Variants in CSMD1 observed in about 807,000 individuals in gnomAD.
CSMD1 encodes the protein CUB and Sushi multiple domains 1.
A neutral mutation model predicts 417.5 loss-of-function variants in CSMD1; 213 were observed. That is an observed-to-expected ratio of 0.51 (90% CI 0.46 to 0.57). The LOEUF is 0.57. Among genes scored for constraint, CSMD1 ranks in the 20% least tolerant of loss-of-function variants. The probability of loss-of-function intolerance (pLI) is 0.00; values close to 1 mark genes in which losing one functional copy is unlikely to be tolerated. For missense variants in CSMD1, 6,923 were observed against 4,529.7 expected (o/e 1.53, Z -15.17); for synonymous variants, 2,862 against 1,736.8 (o/e 1.65, Z -16.11).
At chr8:3,190,532 G>C (rs1055108319) in intron 33 of CSMD1, among the ~76,000 whole-genome samples, 28 of 152,164 alleles carry the variant, frequency 1.8e-4, no homozygotes, top group African/African-American at 3.4e-4. Flanking sequence ...AGGCCTCTGA[G>C]TCTAATGAGA....
At chr8:4,859,803 C>A (rs1210125394) in intron 1 of CSMD1, among the ~76,000 whole-genome samples, 2 of 152,108 alleles carry the variant, frequency 1.3e-5, no homozygotes, top group Non-Finnish European at 2.9e-5. Context: ...CACTTTGACA[C>A]TGTTGGTGGG....
intron 5 of CSMD1, among the ~76,000 whole-genome samples, chr8:3,936,655 T>C (rs956284087): frequency 1.2e-4 from 18 of 152,206 alleles, no homozygotes; most frequent in African/African-American, 4.1e-4. Context: ...TTCTAAATAT[T>C]GCTGCTCTTT....
At chr8:2,964,276 C>A (rs564501001) in intron 59 of CSMD1, among the ~76,000 whole-genome samples, 1 of 152,206 alleles carries the variant, frequency 6.6e-6, no homozygotes, top group Admixed American at 6.5e-5. Context: ...CATGTGCACA[C>A]CCAAAAGTTG....
At chr8:4,239,329 C>T (rs1002073358) in intron 3 of CSMD1, among the ~76,000 whole-genome samples, 1 of 152,156 alleles carries the variant, frequency 6.6e-6, no homozygotes, top group African/African-American at 2.4e-5. Context: ...GGAGAAGATT[C>T]CTCTGCCCTT....
chr8:3,892,476 T>G (rs1434453548), intron 5 of CSMD1, among the ~76,000 whole-genome samples: 1 of 152,088 alleles, frequency 6.6e-6, no homozygotes, highest in Non-Finnish European at 1.5e-5. Context: ...CCCAACTAAG[T>G]TCTGCAAGAG....
chr8:3,137,874 G>C (rs1818199323), intron 41 of CSMD1, among the ~76,000 whole-genome samples: 1 of 152,132 alleles, frequency 6.6e-6, no homozygotes, highest in African/African-American at 2.4e-5. Context: ...ATAAATTCCT[G>C]ATTTTAAAAA....
rs7819396 is a variant in CSMD1 at position 4,454,298 on chromosome 8, A to G, written c.303-34233T>C. ...GACTCCTGACTTCGGTGGACACCAG[A>G]CGCAGCCTCTTCTTCCGCATCCTTG... On this transcript the variant is annotated intron_variant, in intron 2 of 69. Transcript: ENST00000635120. Among the ~76,000 whole-genome samples the G allele has an allele frequency of 7.2e-3, 1,090 of 152,248 alleles. 13 individuals carry two copies. Among genetic ancestry groups the G allele is most frequent in the African/African-American group, 0.025 (1,041 of 41,550 alleles).
intron 5 of CSMD1, among the ~76,000 whole-genome samples, chr8:3,857,942 G>T (rs1804430062): frequency 2.0e-5 from 3 of 152,206 alleles, no homozygotes; most frequent in Admixed American, 1.3e-4. Flanking sequence ...ATCAAATAAA[G>T]CCTACACTGC....
At chr8:4,900,014 T>A (rs61403263) in intron 1 of CSMD1, among the ~76,000 whole-genome samples, 12,260 of 152,220 alleles carry the variant, frequency 0.081, 619 homozygotes, top group African/African-American at 0.14. Flanking sequence ...CTTTAATCTA[T>A]TCTCTTCTCT....
intron 5 of CSMD1, among the ~76,000 whole-genome samples, chr8:3,765,753 G>A (rs750131248): frequency 1.3e-4 from 20 of 152,168 alleles, no homozygotes; most frequent in Admixed American, 6.5e-5. Context: ...GTGAGATCTG[G>A]CATCCTCCTT....
chr8:3,091,770 A>G lies in CSMD1; in HGVS notation c.7139-108T>C, dbSNP rs1041657387. ...TGGAGTCTACGTGTGCAATACACAG[A>G]TATAATTATTACAAAAGTGGACAAC... On this transcript the variant is annotated intron_variant, in intron 47 of 69. Coordinates refer to ENST00000635120, the MANE Select transcript of CSMD1 (RefSeq NM_033225.6). The G allele has an allele frequency of 9.2e-6, 8 of 866,506 alleles. No homozygotes were observed. The African/African-American group carries it at 1.2e-4, about 13-fold the overall frequency. 53.7% of individuals were successfully genotyped at this position (866,506 alleles called of 1,614,324 possible).
chr8:4,363,828 T>C (rs1234717635), intron 3 of CSMD1, among the ~76,000 whole-genome samples: 2 of 152,224 alleles, frequency 1.3e-5, no homozygotes, highest in Admixed American at 6.5e-5. Context: ...TGTTCTCACT[T>C]ATTTGTGGGA....
intron 2 of CSMD1, among the ~76,000 whole-genome samples, chr8:4,456,937 G>A (rs977659425): frequency 6.7e-6 from 1 of 148,898 alleles, no homozygotes; most frequent in African/African-American, 2.5e-5. Flanking sequence ...TCCTGAGCAT[G>A]GCAATTCCTC....
chr8:4,442,851 G>C (rs752467693), intron 2 of CSMD1, among the ~76,000 whole-genome samples: 7 of 152,054 alleles, frequency 4.6e-5, no homozygotes, highest in Non-Finnish European at 1.0e-4. Flanking sequence ...TACATGATTT[G>C]AGATGGGACT....
At chr8:4,263,234 A>G (rs1185890210) in intron 3 of CSMD1, among the ~76,000 whole-genome samples, 1 of 152,144 alleles carries the variant, frequency 6.6e-6, no homozygotes, top group Non-Finnish European at 1.5e-5. Flanking sequence ...CTGTTGGGTA[A>G]TGATCTAAAA....
chr8:3,088,936 T>A (rs1563326420), intron 48 of CSMD1, among the ~76,000 whole-genome samples: 1 of 152,126 alleles, frequency 6.6e-6, no homozygotes, highest in Non-Finnish European at 1.5e-5. Flanking sequence ...AAATAAAGTT[T>A]GCAGGAAGTG....
chr8:3,280,185 G>C (rs1190259300), intron 26 of CSMD1, among the ~76,000 whole-genome samples: 1 of 150,130 alleles, frequency 6.7e-6, no homozygotes, highest in Non-Finnish European at 1.5e-5. Context: ...GGTTTGCCTC[G>C]AGAGCCACAG....
intron 3 of CSMD1, among the ~76,000 whole-genome samples, chr8:4,317,364 G>C (rs1406091534): frequency 6.6e-6 from 1 of 152,168 alleles, no homozygotes; most frequent in East Asian, 1.9e-4. Flanking sequence ...TGTGTTATAA[G>C]CTGTGGCTCT....
intron 3 of CSMD1, among the ~76,000 whole-genome samples, chr8:4,311,737 A>G (rs910837172): frequency 4.6e-5 from 7 of 151,908 alleles, no homozygotes; most frequent in African/African-American, 1.7e-4. Context: ...AAAAAAAAAA[A>G]AAAGTAGAAT....
Sources: allele counts gnomAD v4.1 joint callset (sites outside exome capture counted in the v4.1 genomes callset), GRCh38; gene constraint gnomAD v4.1.1; transcripts MANE v1.5; gene names NCBI Gene and HGNC (gene_info 2026-07-23, HGNC 2026-07-21).